Variants in CAAP1 observed in about 807,000 individuals in gnomAD.
CAAP1 encodes the protein conserved anti-apoptotic protein.
A neutral mutation model predicts 34.0 loss-of-function variants in CAAP1; 20 were observed. That is an observed-to-expected ratio of 0.59 (90% CI 0.41 to 0.86). CAAP1 has a LOEUF of 0.86. Among genes scored for constraint, CAAP1 ranks in the 40% least tolerant of loss-of-function variants. The pLI is 0.00. For missense variants in CAAP1, 538 were observed against 450.5 expected (o/e 1.19, Z -1.76); for synonymous variants, 213 against 166.7 (o/e 1.28, Z -2.14).
intron 4 of CAAP1, among the ~76,000 whole-genome samples, chr9:26,861,459 G>T (rs1823001167): frequency 6.6e-6 from 1 of 152,112 alleles, no homozygotes; most frequent in Non-Finnish European, 1.5e-5. Flanking sequence ...ACTCACAGCA[G>T]TATCCAATAA....
chr9:26,844,330 C>G (rs1377413665), intron 5 of CAAP1, among the ~76,000 whole-genome samples: 2 of 152,032 alleles, frequency 1.3e-5, no homozygotes, highest in Middle Eastern at 3.2e-3. Context: ...GCACTCCAGC[C>G]TGGGCAATAA....
chr9:26,887,664 A>T (rs1184557637), intron 1 of CAAP1, 151 bp from the exon 2 acceptor site: 2 of 572,978 alleles, frequency 3.5e-6, no homozygotes, highest in Admixed American at 7.0e-5. Flanking sequence ...CATAGGAGAG[A>T]ATATCTGTTT....
At chr9:26,854,866 C>A (rs1393637751) in intron 5 of CAAP1, among the ~76,000 whole-genome samples, 1 of 152,232 alleles carries the variant, frequency 6.6e-6, no homozygotes, top group East Asian at 1.9e-4. Flanking sequence ...ATTAGAATGA[C>A]CAAAATCCAA....
chr9:26,890,814 G>A (rs1197738923), intron 1 of CAAP1, among the ~76,000 whole-genome samples: 12 of 151,646 alleles, frequency 7.9e-5, no homozygotes, highest in South Asian at 4.1e-4. Flanking sequence ...GCGTCGTGGC[G>A]GGCGCCTGCA....
chr9:26,865,605 T>C (rs769175983), intron 4 of CAAP1, among the ~76,000 whole-genome samples: 1 of 152,154 alleles, frequency 6.6e-6, no homozygotes, highest in African/African-American at 2.4e-5. Flanking sequence ...TACTCATCAG[T>C]ATAAAGTAGA....
chr9:26,852,438 G>T (rs1195181478), intron 5 of CAAP1, among the ~76,000 whole-genome samples: 1 of 151,920 alleles, frequency 6.6e-6, no homozygotes, highest in Non-Finnish European at 1.5e-5. Flanking sequence ...CTGGGTGACA[G>T]AGAGAGGCTC....
chr9:26,889,203 G>A (rs1011136179), intron 1 of CAAP1, among the ~76,000 whole-genome samples: 1 of 152,100 alleles, frequency 6.6e-6, no homozygotes, highest in Non-Finnish European at 1.5e-5. Flanking sequence ...GATCACCTGA[G>A]GTCAGCTGTT....
chr9:26,859,692 CAAAT>C (rs1334337878), intron 5 of CAAP1, among the ~76,000 whole-genome samples: 1 of 152,016 alleles, frequency 6.6e-6, no homozygotes, highest in Non-Finnish European at 1.5e-5. Context: ...TTATATGTGA[CAAAT>C]AAATGTCAAT....
intron 4 of CAAP1, chr9:26,880,107 T>G (rs7020181): frequency 0.012 from 1,251 of 106,234 alleles, 24 homozygotes; most frequent in African/African-American, 0.048. Context: ...GGGGGGGGGG[T>G]CTCTTTTAGA....
chr9:26,882,377 G>A (rs1476418681), intron 4 of CAAP1, among the ~76,000 whole-genome samples: 1 of 152,154 alleles, frequency 6.6e-6, no homozygotes, highest in African/African-American at 2.4e-5. Flanking sequence ...CTAGGGACTT[G>A]GTGCTTCAGA....
At chr9:26,860,270 T>G (rs1182933356) in intron 5 of CAAP1, among the ~76,000 whole-genome samples, 1 of 152,204 alleles carries the variant, frequency 6.6e-6, no homozygotes, top group Non-Finnish European at 1.5e-5. Context: ...GCCCTACAAA[T>G]GTACTTGGCT....
rs146308385 is a variant in CAAP1 at position 26,880,825 on chromosome 9, A to G, written c.665+3985T>C. On this transcript the variant is annotated intron_variant, in intron 4 of 5. Transcript: ENST00000333916. ...CAAGTAGCTGGGATTACAGGCACACATCACCATGCCTGGCTAATTTTTGTA... is the reference window on the plus strand; with the variant it reads ...CAAGTAGCTGGGATTACAGGCACACGTCACCATGCCTGGCTAATTTTTGTA... Among the ~76,000 whole-genome samples the G allele has an allele frequency of 7.9e-4, 120 of 152,188 alleles. 1 individual carries two copies. Among genetic ancestry groups the G allele is most frequent in the Middle Eastern group, 3.4e-3 (1 of 294 alleles).
intron 5 of CAAP1, among the ~76,000 whole-genome samples, chr9:26,847,686 T>C (rs1822649890): frequency 6.6e-6 from 1 of 152,114 alleles, no homozygotes; most frequent in Non-Finnish European, 1.5e-5. Context: ...TATTCTTATA[T>C]TTGTCCTTTT....
chr9:26,875,535 AT>A (rs1823408123), intron 4 of CAAP1, among the ~76,000 whole-genome samples: 1 of 152,238 alleles, frequency 6.6e-6, no homozygotes, highest in Admixed American at 6.5e-5. Context: ...CATATTTGAA[AT>A]TATTTTTCTT....
intron 4 of CAAP1, among the ~76,000 whole-genome samples, chr9:26,881,256 G>A (rs1412586206): frequency 2.6e-5 from 4 of 152,186 alleles, no homozygotes; most frequent in African/African-American, 9.7e-5. Context: ...TTACAGGTGT[G>A]AACCACCATG....
At position 26,841,487 on chromosome 9, in the gene CAAP1, T is replaced by C. The variant is rs1211515536; in HGVS notation, c.*814A>G. 1 of 152,582 alleles carries C rather than the reference T, an allele frequency of 6.6e-6. No homozygotes were observed. Among genetic ancestry groups the C allele is most frequent in the African/African-American group, 2.4e-5 (1 of 41,458 alleles). 9.5% of individuals were successfully genotyped at this position (152,582 alleles called of 1,614,324 possible). The stretch of plus-strand genomic sequence containing the variant: ...TCAAAAGTCTTCAGATCCAGAATGA[T>C]AGCATTTTATTATTTCTGATTCATG... On this transcript the variant is annotated 3_prime_UTR_variant, in exon 6 of 6. Coordinates refer to ENST00000333916, the MANE Select transcript of CAAP1 (RefSeq NM_024828.4).
chr9:26,856,202 A>C (rs1305721136), intron 5 of CAAP1, among the ~76,000 whole-genome samples: 3 of 152,072 alleles, frequency 2.0e-5, no homozygotes, highest in Non-Finnish European at 2.9e-5. Context: ...GTCTTTAGGG[A>C]AAAGATTCTC....
chr9:26,886,765 A>G (rs1823749602), intron 2 of CAAP1, among the ~76,000 whole-genome samples: 1 of 152,200 alleles, frequency 6.6e-6, no homozygotes, highest in Non-Finnish European at 1.5e-5. Flanking sequence ...CCTGCATTTA[A>G]CAGAATTATC....
intron 5 of CAAP1, among the ~76,000 whole-genome samples, chr9:26,856,844 G>A (rs1177410406): frequency 6.6e-6 from 1 of 151,984 alleles, no homozygotes; most frequent in Non-Finnish European, 1.5e-5. Flanking sequence ...TATTTCTCAT[G>A]TATAGTTTTA....
Sources: allele counts gnomAD v4.1 joint callset (sites outside exome capture counted in the v4.1 genomes callset), GRCh38; gene constraint gnomAD v4.1.1; transcripts MANE v1.5; gene names NCBI Gene and HGNC (gene_info 2026-07-23, HGNC 2026-07-21).